Variants in TSHZ2 observed in about 807,000 individuals in gnomAD.
The protein encoded by TSHZ2 is teashirt homolog 2.
Under a neutral mutation model 74.4 loss-of-function variants are expected in TSHZ2, and 21 were observed. That is an observed-to-expected ratio of 0.28 (90% CI 0.20 to 0.41). The LOEUF (loss-of-function observed/expected upper bound fraction) is 0.41. Ranked by LOEUF, TSHZ2 falls within the 10% of genes least tolerant of loss-of-function variation. The pLI is 1.00. For missense variants in TSHZ2, 1,244 were observed against 1,293.5 expected (o/e 0.96, Z 0.59); for synonymous variants, 540 against 515.3 (o/e 1.05, Z -0.65).
chr20:53,334,253 G>A (rs142007267), intron 2 of TSHZ2, among the ~76,000 whole-genome samples: 44 of 152,318 alleles, frequency 2.9e-4, no homozygotes, highest in African/African-American at 1.0e-3. Context: ...ACAACAGCTC[G>A]TGGGAGGGGG....
Position 52,977,998 on chromosome 20 carries a change from T to C in TSHZ2, c.40+4665T>C, listed in dbSNP as rs920598251. Among the ~76,000 whole-genome samples the C allele has an allele frequency of 3.6e-4, 55 of 152,190 alleles. 1 individual carries two copies. The highest frequency in any genetic ancestry group is 4.4e-5 in the Non-Finnish European group (3 of 68,018). On this transcript the variant is annotated intron_variant, in intron 1 of 2. Coordinates refer to ENST00000371497, the MANE Select transcript of TSHZ2 (RefSeq NM_173485.6). ...CAGTTGCCCATTCTACTGCTACACTTTGGGAATGCTTAACACCCAAGAAAT... is the reference window on the plus strand; with the variant it reads ...CAGTTGCCCATTCTACTGCTACACTCTGGGAATGCTTAACACCCAAGAAAT...
intron 2 of TSHZ2, among the ~76,000 whole-genome samples, chr20:53,259,762 GT>G (rs1274014284): frequency 6.6e-6 from 1 of 152,150 alleles, no homozygotes; most frequent in African/African-American, 2.4e-5. Flanking sequence ...TGACAAATAG[GT>G]TTTGAGTATA....
At chr20:53,144,263 C>T (rs1308436151) in intron 1 of TSHZ2, among the ~76,000 whole-genome samples, 4 of 152,136 alleles carry the variant, frequency 2.6e-5, no homozygotes, top group African/African-American at 4.8e-5. Context: ...TTTGTTAGTC[C>T]TGCAAAGGCA....
intron 1 of TSHZ2, among the ~76,000 whole-genome samples, chr20:53,098,675 G>T (rs1376387166): frequency 6.6e-6 from 1 of 152,152 alleles, no homozygotes. Flanking sequence ...AAATTCAGGG[G>T]GGAATTTCCC....
intron 2 of TSHZ2, among the ~76,000 whole-genome samples, chr20:53,323,131 GAGA>G (rs1273462238): frequency 6.6e-6 from 1 of 152,170 alleles, no homozygotes. Flanking sequence ...GTTGGCCTGG[GAGA>G]AGATTCTTTC....
chr20:53,323,582 T>TC (rs1979368560), intron 2 of TSHZ2, among the ~76,000 whole-genome samples: 1 of 127,462 alleles, frequency 7.8e-6, no homozygotes, highest in East Asian at 2.2e-4. Context: ...TTTTTTTTTT[T>TC]TTTTTTTTTT....
intron 2 of TSHZ2, among the ~76,000 whole-genome samples, chr20:53,374,352 T>A (rs902491860): frequency 5.9e-5 from 9 of 152,220 alleles, no homozygotes; most frequent in Admixed American, 1.3e-4. Flanking sequence ...TAGTATTTCA[T>A]GGTATATATA....
intron 2 of TSHZ2, among the ~76,000 whole-genome samples, chr20:53,457,723 A>C (rs1359552275): frequency 6.7e-6 from 1 of 150,148 alleles, no homozygotes; most frequent in African/African-American, 2.5e-5. Context: ...ATTATTTTGA[A>C]ATATGTCCCA....
In TSHZ2 at chr20:53,488,845, A is replaced by AC; in HGVS notation, c.*1710_*1711insC. 1 of 343,144 alleles carries AC rather than the reference A, an allele frequency of 2.9e-6. No homozygotes were observed. Among genetic ancestry groups the AC allele is most frequent in the Non-Finnish European group, 5.7e-6 (1 of 175,226 alleles). The allele number at this position is 343,144 out of a possible 1,614,324, so 21.3% of individuals were successfully genotyped here. ...ATTCAACATTGGGATTAAAAAAAAAAAAAAACTTCTTATTTACCTCCTAGG... is the reference window on the plus strand; with the variant it reads ...ATTCAACATTGGGATTAAAAAAAAAACAAAAACTTCTTATTTACCTCCTAGG... On this transcript the variant is annotated 3_prime_UTR_variant, in exon 3 of 3. Transcript: ENST00000371497.
intron 2 of TSHZ2, among the ~76,000 whole-genome samples, chr20:53,454,582 TA>T (rs1984971519): frequency 6.6e-6 from 1 of 151,728 alleles, no homozygotes; most frequent in Admixed American, 6.6e-5. Context: ...AAAAAGTCTT[TA>T]AAAACTAATG....
chr20:53,328,322 T>A (rs1244465343), intron 2 of TSHZ2, among the ~76,000 whole-genome samples: 6 of 152,268 alleles, frequency 3.9e-5, no homozygotes, highest in Non-Finnish European at 7.3e-5. Flanking sequence ...GTGGAAATCG[T>A]ACATGCAGCA....
At chr20:53,193,175 AAAAAAG>A (rs1170887806) in intron 1 of TSHZ2, among the ~76,000 whole-genome samples, 7 of 58,912 alleles carry the variant, frequency 1.2e-4, no homozygotes, top group East Asian at 4.9e-4. Flanking sequence ...TTCAAAAAAA[AAAAAAG>A]AAAAAAGAAA....
chr20:53,437,471 T>C (rs973513374), intron 2 of TSHZ2, among the ~76,000 whole-genome samples: 1 of 151,394 alleles, frequency 6.6e-6, no homozygotes, highest in Admixed American at 6.6e-5. Context: ...AGACTCCATC[T>C]AAAAGGAAAG....
chr20:53,359,922 A>G (rs997851548), intron 2 of TSHZ2, among the ~76,000 whole-genome samples: 1 of 152,228 alleles, frequency 6.6e-6, no homozygotes, highest in African/African-American at 2.4e-5. Flanking sequence ...GTCAACAAAC[A>G]TCGTGGGGGA....
At position 53,109,234 on chromosome 20, in the gene TSHZ2, A is replaced by T. The variant is rs531143678; in HGVS notation, c.40+135901A>T. 7.9e-5 allele frequency among the ~76,000 whole-genome samples: 12 copies of T among 152,350 alleles called. No individual in the cohort carries two copies. The East Asian group carries it at 2.3e-3, about 29-fold the overall frequency. On this transcript the variant is annotated intron_variant, in intron 1 of 2. Transcript: ENST00000371497. Reference sequence around the variant, plus strand: ...CTTTATAGGGTTTTGCAAGGATTAAATGAGTTAGAGCTAAAGCTCTTAGAA... The same window carrying T: ...CTTTATAGGGTTTTGCAAGGATTAATTGAGTTAGAGCTAAAGCTCTTAGAA...
intron 2 of TSHZ2, chr20:53,455,439 C>A (rs1258456203): frequency 1.3e-5 from 2 of 152,138 alleles, no homozygotes; most frequent in Non-Finnish European, 2.9e-5. Context: ...AATCTATGTT[C>A]ACTGGTAAGT....
At chr20:52,996,572 C>G (rs1016207753) in intron 1 of TSHZ2, among the ~76,000 whole-genome samples, 1 of 152,132 alleles carries the variant, frequency 6.6e-6, no homozygotes, top group African/African-American at 2.4e-5. Flanking sequence ...TCTGACTTCT[C>G]TTGCTGTATT....
chr20:53,126,348 G>A (rs563775883), intron 1 of TSHZ2, among the ~76,000 whole-genome samples: 3 of 152,292 alleles, frequency 2.0e-5, no homozygotes, highest in Admixed American at 2.0e-4. Context: ...TGCCCTACAT[G>A]GGGAAAGATT....
intron 1 of TSHZ2, among the ~76,000 whole-genome samples, chr20:53,152,313 G>T (rs1319413536): frequency 1.3e-5 from 2 of 152,054 alleles, no homozygotes; most frequent in South Asian, 2.1e-4. Flanking sequence ...TTCTACACAG[G>T]GCTCACTGGG....
Sources: allele counts gnomAD v4.1 joint callset (sites outside exome capture counted in the v4.1 genomes callset), GRCh38; gene constraint gnomAD v4.1.1; transcripts MANE v1.5; gene names NCBI Gene and HGNC (gene_info 2026-07-23, HGNC 2026-07-21).